TDRD1: variants seen among roughly 807,000 people sequenced by gnomAD.
The protein encoded by TDRD1 is tudor domain-containing protein 1.
Under a neutral mutation model 140.6 loss-of-function variants are expected in TDRD1, and 37 were observed. That is an observed-to-expected ratio of 0.26 (90% CI 0.20 to 0.35). The LOEUF is 0.35. TDRD1 is among the 10% of genes least tolerant of loss of function. The pLI is 1.00. For synonymous variants in TDRD1, 506 were observed against 475.7 expected (o/e 1.06, Z -0.83); for missense variants, 1,243 against 1,393.0 (o/e 0.89, Z 1.71).
intron 3 of TDRD1, among the ~76,000 whole-genome samples, chr10:114,196,196 A>G (rs12769921): frequency 0.26 from 39,197 of 152,072 alleles, 5,352 homozygotes; most frequent in African/African-American, 0.33. Context: ...CTCCCACCTC[A>G]GACTCACAAA....
At chr10:114,210,588 T>C (rs747936263) in exon 12 of TDRD1, 47 of 1,590,472 alleles carry the variant, frequency 3.0e-5, no homozygotes, top group Non-Finnish European at 3.9e-5. Flanking sequence ...AAGGTGATCC[T>C]GAAGATGTTG....
chr10:114,201,847 T>G (rs1256135182), intron 5 of TDRD1, among the ~76,000 whole-genome samples: 1 of 152,266 alleles, frequency 6.6e-6, no homozygotes, highest in Non-Finnish European at 1.5e-5. Context: ...TTTTTATTTG[T>G]AAATACATAA....
Position 114,183,563 on chromosome 10 carries a change from G to A in TDRD1, c.-7+4147G>A, listed in dbSNP as rs1034219388. Among the ~76,000 whole-genome samples, 15 of 151,476 alleles carry A rather than the reference G, an allele frequency of 9.9e-5. No individual in the cohort carries two copies. The South Asian group carries it at 2.1e-3, about 21-fold the overall frequency. ...ACCTGGAGTTTTGATTTTCTTTTGC[G>A]GTTATAATTATATTGAATATACAGG... is the stretch of plus-strand genomic sequence containing the variant. On this transcript the variant is annotated intron_variant, in intron 1 of 25. Transcript: ENST00000251864.
chr10:114,209,717 G>A (rs1304355829), intron 11 of TDRD1, among the ~76,000 whole-genome samples: 1 of 152,146 alleles, frequency 6.6e-6, no homozygotes, highest in Non-Finnish European at 1.5e-5. Context: ...GTCTATCCCA[G>A]CCTCCCCTTT....
intron 19 of TDRD1, among the ~76,000 whole-genome samples, chr10:114,221,142 A>G (rs1245868062): frequency 6.6e-6 from 1 of 152,202 alleles, no homozygotes; most frequent in Non-Finnish European, 1.5e-5. Context: ...GTAATAGTTC[A>G]AGGATTTCAT....
chr10:114,184,385 T>G (rs891640509), intron 1 of TDRD1, among the ~76,000 whole-genome samples: 2 of 152,224 alleles, frequency 1.3e-5, no homozygotes, highest in African/African-American at 4.8e-5. Flanking sequence ...CAGACACACT[T>G]GGCTCTGCAT....
intron 25 of TDRD1, chr10:114,231,438 G>C (rs2036750640): frequency 6.8e-7 from 1 of 1,478,266 alleles, no homozygotes; most frequent in Non-Finnish European, 9.3e-7. Flanking sequence ...CATAGCAATT[G>C]AGTTTTTGTG....
exon 17 of TDRD1, chr10:114,217,576 A>G (rs763420703): frequency 1.2e-6 from 2 of 1,602,988 alleles, no homozygotes; most frequent in Non-Finnish European, 8.5e-7. Context: ...TGAACAAGTC[A>G]TTAGCAGAAC....
intron 10 of TDRD1, among the ~76,000 whole-genome samples, chr10:114,205,797 A>G (rs993610719): frequency 6.6e-6 from 1 of 152,190 alleles, no homozygotes; most frequent in Admixed American, 6.5e-5. Flanking sequence ...AATAAGACCT[A>G]CTATTCGATA....
At chr10:114,203,426 C>T (rs145466216) in exon 8 of TDRD1, 42 of 1,612,138 alleles carry the variant, frequency 2.6e-5, no homozygotes, top group Non-Finnish European at 3.3e-5. Context: ...GGGACTTCTA[C>T]GTGCAGTTAT....
At chr10:114,206,358 T>C (rs772102569) in intron 11 of TDRD1, 28 bp downstream of exon 11, 2 of 1,572,250 alleles carry the variant, frequency 1.3e-6, no homozygotes, top group East Asian at 2.2e-5. Flanking sequence ...TTGAACGGTA[T>C]AGCGACTTCA....
At chr10:114,231,107 C>G (rs2036729336) in intron 25 of TDRD1, among the ~76,000 whole-genome samples, 1 of 152,138 alleles carries the variant, frequency 6.6e-6, no homozygotes, top group South Asian at 2.1e-4. Context: ...ATTTCATCAT[C>G]TGGAGAAATT....
chr10:114,190,098 T>G (rs2033850782), intron 2 of TDRD1, among the ~76,000 whole-genome samples: 2 of 152,166 alleles, frequency 1.3e-5, no homozygotes, highest in South Asian at 4.1e-4. Context: ...ACTTTTTTTT[T>G]CAGATACCAA....
chr10:114,210,536 T>C lies in TDRD1; in HGVS notation c.1385-45T>C, dbSNP rs764646912. 10 of 1,514,360 alleles carry C rather than the reference T, an allele frequency of 6.6e-6. No individual in the cohort carries two copies. In the South Asian group the frequency reaches 8.0e-5, roughly 12 times the overall value. 93.8% of individuals were successfully genotyped at this position (1,514,360 alleles called of 1,614,324 possible). ...AGCGTGCATAATTTTTTTTTTACTTTGGATGAAAACAAAATGGCTTATTTT... is the reference window on the plus strand; with the variant it reads ...AGCGTGCATAATTTTTTTTTTACTTCGGATGAAAACAAAATGGCTTATTTT... On this transcript the variant is annotated intron_variant, in intron 11 of 25. Transcript: ENST00000251864.
exon 4 of TDRD1, chr10:114,199,274 ACCT>A (rs2034571491): frequency 2.5e-6 from 4 of 1,613,660 alleles, no homozygotes; most frequent in African/African-American, 1.3e-5. Flanking sequence ...CCTCCTTAGG[ACCT>A]CCTCTTCGGT....
intron 1 of TDRD1, among the ~76,000 whole-genome samples, chr10:114,185,557 A>G (rs961490247): frequency 1.3e-5 from 2 of 152,018 alleles, no homozygotes; most frequent in African/African-American, 4.8e-5. Context: ...GTTTGATTTT[A>G]TGTGCTACTG....
At chr10:114,210,364 T>G (rs1204524151) in intron 11 of TDRD1, among the ~76,000 whole-genome samples, 1 of 152,220 alleles carries the variant, frequency 6.6e-6, no homozygotes, top group African/African-American at 2.4e-5. Context: ...CTGATTTTCT[T>G]TCTTGGACCA....
At chr10:114,222,749 G>A in intron 21 of TDRD1, 46 bp downstream of exon 21, 1 of 1,120,436 alleles carries the variant, frequency 8.9e-7, no homozygotes, top group Admixed American at 1.8e-5. Flanking sequence ...TATTTAGTCT[G>A]TTTTGTTCTA....
At chr10:114,211,977 G>C in exon 14 of TDRD1, 8 of 1,612,806 alleles carry the variant, frequency 5.0e-6, no homozygotes, top group Non-Finnish European at 6.8e-6. Context: ...ATGAGACTTT[G>C]TCCCATAATC....
Sources: gnomAD v4.1 joint callset for allele counts (sites outside exome capture counted in the v4.1 genomes callset) on GRCh38, gnomAD v4.1.1 for gene constraint, MANE v1.5 for transcripts, NCBI Gene and HGNC (gene_info 2026-07-23, HGNC 2026-07-21) for gene names.